The following PCNX2 variants were observed in gnomAD, a reference collection of about 807,000 sequenced individuals.
The protein encoded by PCNX2 is pecanex 2, also known as pecanex-like protein 2.
In PCNX2, 168 loss-of-function variants were observed where a neutral mutation model predicts 223.8. The observed-to-expected ratio is 0.75, with a 90% CI of 0.66 to 0.85. The LOEUF is 0.85. Ranked by LOEUF, PCNX2 falls within the 40% of genes least tolerant of loss-of-function variation. The pLI, the probability that PCNX2 is intolerant of heterozygous loss-of-function variation, is 0.00. For synonymous variants in PCNX2, 1,006 were observed against 1,052.6 expected, an observed-to-expected ratio of 0.96 and a Z score of 0.86; for missense variants, 2,507 against 2,675.5, an observed-to-expected ratio of 0.94 and a Z score of 1.39.
At chr1:233,262,846 A>G in intron 2 of PCNX2, 112 bp downstream of exon 2, 1 of 932,880 alleles carries the variant, frequency 1.1e-6, no homozygotes, top group Non-Finnish European at 1.6e-6. Flanking sequence ...AGAAAAATGC[A>G]TATATTTCTG....
intron 21 of PCNX2, among the ~76,000 whole-genome samples, chr1:233,113,144 G>C (rs575111809): frequency 2.0e-5 from 3 of 152,154 alleles, no homozygotes; most frequent in Non-Finnish European, 2.9e-5. Context: ...TCATCACCAG[G>C]GTAGATTTAC....
intron 15 of PCNX2, among the ~76,000 whole-genome samples, chr1:233,192,246 G>A (rs1175412032): frequency 1.3e-5 from 2 of 152,186 alleles, no homozygotes; most frequent in African/African-American, 4.8e-5. Context: ...CATAAAAAAT[G>A]ATAGGACATG....
intron 8 of PCNX2, among the ~76,000 whole-genome samples, chr1:233,244,804 G>T (rs113811965): frequency 6.6e-6 from 1 of 152,122 alleles, no homozygotes; most frequent in South Asian, 2.1e-4. Context: ...GTTTTAAAAG[G>T]CTCATTTTAC....
chr1:233,323,760 A>C, the PCNX2 span, among the ~76,000 whole-genome samples: 1 of 152,160 alleles, frequency 6.6e-6, no homozygotes, highest in Non-Finnish European at 1.5e-5. Flanking sequence ...CCCTATTCTG[A>C]GACAGGACAA....
chr1:233,216,225 G>C (rs1028447870), intron 12 of PCNX2, among the ~76,000 whole-genome samples: 3 of 152,162 alleles, frequency 2.0e-5, no homozygotes, highest in Non-Finnish European at 4.4e-5. Flanking sequence ...GGCACTGCCT[G>C]TCCCATAGCA....
chr1:233,293,693 T>C (rs779956940), intron 1 of PCNX2, among the ~76,000 whole-genome samples: 7 of 152,224 alleles, frequency 4.6e-5, no homozygotes, highest in African/African-American at 1.7e-4. Context: ...TACTGAGCAC[T>C]CTCTGTGTGA....
chr1:233,258,280 C>G lies in PCNX2; in HGVS notation c.1582G>C (p.Ala528Pro), dbSNP rs745590768. The change falls in exon 5 of 34, where the codon GCC (alanine) becomes CCC (proline). Residue 528 changes from alanine to proline, a missense_variant. By Grantham distance (27) the Ala-to-Pro change is conservative. Transcript: ENST00000258229. ...CCACTGTCCACACTGAGCACCCGGG[C>G]ATGCCTCTTTTCATGGCTGGACTTA... ...SCKSSHEKRHARVLSVDSGTD... is the reference protein window; with the variant it reads ...SCKSSHEKRHPRVLSVDSGTD... 1 of 1,614,036 alleles carries G rather than the reference C, an allele frequency of 6.2e-7. No individual in the cohort carries two copies. Among genetic ancestry groups the G allele is most frequent in the South Asian group, 1.1e-5 (1 of 91,082 alleles).
At chr1:233,260,067 T>C (rs1659968016) in intron 4 of PCNX2, among the ~76,000 whole-genome samples, 1 of 152,174 alleles carries the variant, frequency 6.6e-6, no homozygotes, top group South Asian at 2.1e-4. Flanking sequence ...ACGGGGGTCC[T>C]GGAACCAAAT....
intron 17 of PCNX2, among the ~76,000 whole-genome samples, chr1:233,162,979 G>C (rs998985628): frequency 6.6e-6 from 1 of 152,136 alleles, no homozygotes; most frequent in Admixed American, 6.5e-5. Context: ...GAATGAGCTC[G>C]AATTATTATT....
chr1:233,219,162 T>C (rs748770342), intron 10 of PCNX2, among the ~76,000 whole-genome samples: 1 of 151,838 alleles, frequency 6.6e-6, no homozygotes, highest in Non-Finnish European at 1.5e-5. Flanking sequence ...GTAAGGCTGT[T>C]TTAGGATAGA....
intron 1 of PCNX2, among the ~76,000 whole-genome samples, chr1:233,279,856 T>G (rs1457897839): frequency 5.9e-5 from 9 of 152,202 alleles, no homozygotes; most frequent in Non-Finnish European, 5.9e-5. Flanking sequence ...ATGAAACAGA[T>G]TTTGTTTGGT....
chr1:233,318,136 C>T, the PCNX2 span, among the ~76,000 whole-genome samples: 1 of 152,124 alleles, frequency 6.6e-6, no homozygotes, highest in African/African-American at 2.4e-5. Context: ...AAGTTTGGCA[C>T]GGGGCCTGAT....
intron 23 of PCNX2, among the ~76,000 whole-genome samples, chr1:233,076,569 G>C (rs759798809): frequency 6.6e-6 from 1 of 152,162 alleles, no homozygotes; most frequent in Admixed American, 6.5e-5. Context: ...ACACAGCAAC[G>C]TTTCTTGCTC....
intron 17 of PCNX2, among the ~76,000 whole-genome samples, chr1:233,176,165 AGATG>A (rs1679462336): frequency 6.6e-6 from 1 of 152,218 alleles, no homozygotes; most frequent in Non-Finnish European, 1.5e-5. Flanking sequence ...CTCAATACTC[AGATG>A]TATGGGAGCT....
At chr1:233,214,910 C>T (rs75041937) in intron 12 of PCNX2, among the ~76,000 whole-genome samples, 78 of 152,216 alleles carry the variant, frequency 5.1e-4, no homozygotes, top group African/African-American at 1.8e-3. Flanking sequence ...ATTTTCATTT[C>T]GCTATCTTCT....
In PCNX2 at chr1:233,065,495, T is replaced by G. The variant is rs149239559; in HGVS notation, c.4077-8205A>C. ...AAATATGGAGTTGGTGTATTTTTCC[T>G]TATTCCTCTACTTGGTACAACGAAA... is the stretch of plus-strand genomic sequence containing the variant. On this transcript the variant is annotated intron_variant, in intron 23 of 33. Coordinates refer to ENST00000258229, the MANE Select transcript of PCNX2 (RefSeq NM_014801.4). The G allele has an allele frequency of 3.1e-3, 474 of 152,320 alleles. 2 individuals carry two copies. Among genetic ancestry groups the G allele is most frequent in the African/African-American group, 0.01 (432 of 41,584 alleles). The allele number at this position is 152,320 out of a possible 1,614,324, so 9.4% of individuals were successfully genotyped here. A position where few individuals can be genotyped will look rare whatever the true frequency, so the allele number is the denominator to read the frequency against.
At chr1:233,058,185 G>T in intron 23 of PCNX2, 1 of 407,304 alleles carries the variant, frequency 2.5e-6, no homozygotes, top group Non-Finnish European at 3.3e-6. Flanking sequence ...TGGCTTCTGA[G>T]AGTTAGCCGA....
chr1:232,996,786 TTACTC>T (rs1293245661), intron 32 of PCNX2, among the ~76,000 whole-genome samples: 1 of 152,170 alleles, frequency 6.6e-6, no homozygotes, highest in Non-Finnish European at 1.5e-5. Flanking sequence ...CCCAAGATCT[TTACTC>T]TAAAACAGTT....
chr1:233,254,482 T>C (rs1233024659), intron 5 of PCNX2, among the ~76,000 whole-genome samples: 2 of 152,248 alleles, frequency 1.3e-5, no homozygotes, highest in Non-Finnish European at 1.5e-5. Context: ...AATGGGTACA[T>C]TACATAAGTC....
Sources: gnomAD v4.1 joint callset for allele counts (sites outside exome capture counted in the v4.1 genomes callset) on GRCh38, gnomAD v4.1.1 for gene constraint, MANE v1.5 for transcripts, NCBI Gene and HGNC (gene_info 2026-07-23, HGNC 2026-07-21) for gene names.